Variants in LATS2 observed in about 807,000 individuals in gnomAD.
LATS2 encodes the protein serine/threonine-protein kinase LATS2.
Under a neutral mutation model 76.0 loss-of-function variants are expected in LATS2, and 24 were observed. That is an observed-to-expected ratio of 0.32 (90% CI 0.23 to 0.44). The LOEUF (loss-of-function observed/expected upper bound fraction) is 0.44. Among genes scored for constraint, LATS2 ranks in the 20% least tolerant of loss-of-function variants. The probability of loss-of-function intolerance (pLI) is 1.00; values close to 1 mark genes in which losing one functional copy is unlikely to be tolerated. For missense variants in LATS2, 1,286 were observed against 1,481.2 expected, an observed-to-expected ratio of 0.87 and a Z score of 2.16; for synonymous variants, 692 against 635.4, an observed-to-expected ratio of 1.09 and a Z score of -1.34.
At chr13:21,025,393 C>CAAAA (rs1171981071) in intron 2 of LATS2, among the ~76,000 whole-genome samples, 1 of 49,752 alleles carries the variant, frequency 2.0e-5, no homozygotes, top group African/African-American at 9.2e-5. Flanking sequence ...ACTCCGTCTC[C>CAAAA]AAAAAAAAAA....
At chr13:21,013,795 G>A (rs1871690531) in intron 2 of LATS2, among the ~76,000 whole-genome samples, 1 of 151,956 alleles carries the variant, frequency 6.6e-6, no homozygotes, top group South Asian at 2.1e-4. Flanking sequence ...GCAAGACCCC[G>A]TCTCTACAAA....
intron 2 of LATS2, among the ~76,000 whole-genome samples, chr13:21,040,789 G>C (rs1872851916): frequency 6.6e-6 from 1 of 151,890 alleles, no homozygotes; most frequent in East Asian, 1.9e-4. Flanking sequence ...TGAGAGGAGG[G>C]GAGAGGGACC....
At chr13:21,007,605 GTGTA>G (rs1339025298) in intron 2 of LATS2, among the ~76,000 whole-genome samples, 9 of 736 alleles carry the variant, frequency 0.012, 1 homozygote, top group Admixed American at 0.026. Context: ...TATATATAGT[GTGTA>G]TATATATATA....
intron 1 of LATS2, among the ~76,000 whole-genome samples, chr13:21,050,886 T>G (rs1307195719): frequency 6.6e-6 from 1 of 152,232 alleles, no homozygotes; most frequent in African/African-American, 2.4e-5. Flanking sequence ...TCTGGAGCCC[T>G]GTGGGCAAGA....
At chr13:21,015,891 G>GT in intron 2 of LATS2, among the ~76,000 whole-genome samples, 1 of 151,678 alleles carries the variant, frequency 6.6e-6, no homozygotes, top group East Asian at 1.9e-4. Flanking sequence ...TAGACATGGG[G>GT]TTTCACCATG....
intron 2 of LATS2, among the ~76,000 whole-genome samples, chr13:21,041,447 C>G (rs537645699): frequency 6.6e-6 from 1 of 152,200 alleles, no homozygotes. Flanking sequence ...ACATTTCTTC[C>G]CTAACCTCAT....
chr13:21,006,137 CA>C (rs530794099), intron 2 of LATS2, among the ~76,000 whole-genome samples: 34 of 137,580 alleles, frequency 2.5e-4, no homozygotes, highest in Non-Finnish European at 4.7e-4. Context: ...AACTGCATCT[CA>C]AAAAAAAAGA....
intron 2 of LATS2, among the ~76,000 whole-genome samples, chr13:21,016,028 C>G (rs1871784241): frequency 6.6e-6 from 1 of 151,410 alleles, no homozygotes; most frequent in Non-Finnish European, 1.5e-5. Flanking sequence ...CTCACTCTGT[C>G]ACTCAGGCTG....
At chr13:21,009,856 G>C (rs982012967) in intron 2 of LATS2, among the ~76,000 whole-genome samples, 1 of 152,020 alleles carries the variant, frequency 6.6e-6, no homozygotes, top group Non-Finnish European at 1.5e-5. Flanking sequence ...CCAGGCCCCC[G>C]CCCCAACACC....
At chr13:20,997,688 T>A (rs1212958019) in intron 2 of LATS2, among the ~76,000 whole-genome samples, 1 of 152,312 alleles carries the variant, frequency 6.6e-6, no homozygotes, top group East Asian at 1.9e-4. Flanking sequence ...CTTGGCTTGG[T>A]CCCCTTCTAC....
chr13:21,019,138 G>A (rs1043145495), intron 2 of LATS2, among the ~76,000 whole-genome samples: 5 of 151,946 alleles, frequency 3.3e-5, no homozygotes, highest in South Asian at 2.1e-4. Flanking sequence ...ATTTCCTCCC[G>A]TGTACCTAAT....
At chr13:21,056,371 G>A (rs1053916008) in intron 1 of LATS2, among the ~76,000 whole-genome samples, 16 of 151,900 alleles carry the variant, frequency 1.1e-4, no homozygotes, top group Non-Finnish European at 2.1e-4. Context: ...TTACAGTCTC[G>A]GGGAAAAAGA....
chr13:21,054,810 A>C (rs973866917), intron 1 of LATS2, among the ~76,000 whole-genome samples: 13 of 152,282 alleles, frequency 8.5e-5, no homozygotes, highest in African/African-American at 2.9e-4. Context: ...AATGTCAAAC[A>C]TACAAAAAGG....
intron 7 of LATS2, among the ~76,000 whole-genome samples, chr13:20,976,874 C>T (rs1027515316): frequency 6.6e-6 from 1 of 152,130 alleles, no homozygotes; most frequent in African/African-American, 2.4e-5. Flanking sequence ...CTATGGCAAA[C>T]AGTTTGGGAG....
chr13:20,998,946 G>A (rs1006440739), intron 2 of LATS2, among the ~76,000 whole-genome samples: 18 of 150,446 alleles, frequency 1.2e-4, no homozygotes, highest in African/African-American at 3.9e-4. Context: ...TGCGCACACG[G>A]CGCAAGGGCC....
At chr13:21,042,685 A>C (rs1299586566) in intron 2 of LATS2, among the ~76,000 whole-genome samples, 2 of 152,014 alleles carry the variant, frequency 1.3e-5, no homozygotes, top group African/African-American at 4.8e-5. Context: ...AAACCCTCTT[A>C]AACAGACAAA....
At chr13:21,031,495 T>C (rs1311977438) in intron 2 of LATS2, among the ~76,000 whole-genome samples, 3 of 152,206 alleles carry the variant, frequency 2.0e-5, no homozygotes, top group African/African-American at 7.2e-5. Flanking sequence ...TAAAAATTTT[T>C]TCACCTATTT....
At chr13:21,050,255 T>A (rs138263367) in intron 1 of LATS2, among the ~76,000 whole-genome samples, 2 of 151,988 alleles carry the variant, frequency 1.3e-5, no homozygotes, top group African/African-American at 4.8e-5. Context: ...TTATTTAACA[T>A]ATATTTTTTA....
intron 2 of LATS2, chr13:21,017,887 A>C (rs538778858): frequency 6.6e-6 from 1 of 152,224 alleles, no homozygotes; most frequent in East Asian, 1.9e-4. Context: ...TGGCCTCCTA[A>C]AGTGCTGGGA....
Sources: gnomAD v4.1 joint callset for allele counts (sites outside exome capture counted in the v4.1 genomes callset) on GRCh38, gnomAD v4.1.1 for gene constraint, MANE v1.5 for transcripts, NCBI Gene and HGNC (gene_info 2026-07-23, HGNC 2026-07-21) for gene names.